The following KCNIP4 variants were observed in gnomAD, a reference collection of about 807,000 sequenced individuals.
The protein encoded by KCNIP4 is Kv channel-interacting protein 4.
KCNIP4 carries 12 observed loss-of-function variants against 34.0 expected under a neutral mutation model. That is an observed-to-expected ratio of 0.35 (90% CI 0.23 to 0.57). KCNIP4 has a LOEUF of 0.57. Among genes scored for constraint, KCNIP4 ranks in the 20% least tolerant of loss-of-function variants. The pLI, the probability that KCNIP4 is intolerant of heterozygous loss-of-function variation, is 0.83. For missense variants in KCNIP4, 238 were observed against 311.7 expected (o/e 0.76, Z 1.78); for synonymous variants, 124 against 102.2 (o/e 1.21, Z -1.29).
intron 1 of KCNIP4, among the ~76,000 whole-genome samples, chr4:21,027,381 C>T (rs28704683): frequency 0.027 from 4,050 of 151,978 alleles, 165 homozygotes; most frequent in African/African-American, 0.091. Context: ...AGAAAAACTT[C>T]GTCACCCCTG....
chr4:20,804,450 G>T (rs1714801916), intron 3 of KCNIP4, among the ~76,000 whole-genome samples: 1 of 152,112 alleles, frequency 6.6e-6, no homozygotes, highest in Non-Finnish European at 1.5e-5. Flanking sequence ...TCATAGAAAA[G>T]AAAGATTACT....
chr4:21,480,531 C>T (rs541972407), intron 1 of KCNIP4, among the ~76,000 whole-genome samples: 1 of 152,270 alleles, frequency 6.6e-6, no homozygotes, highest in East Asian at 1.9e-4. Flanking sequence ...AGAATACTCA[C>T]TTGCATCAAG....
At chr4:21,697,998 G>A (rs189265698) in intron 1 of KCNIP4, among the ~76,000 whole-genome samples, 1 of 151,090 alleles carries the variant, frequency 6.6e-6, no homozygotes, top group East Asian at 1.9e-4. Context: ...GTGGGGAGAG[G>A]GAAGCATGCT....
intron 1 of KCNIP4, among the ~76,000 whole-genome samples, chr4:20,928,570 A>T (rs1035040324): frequency 1.3e-5 from 2 of 151,988 alleles, no homozygotes; most frequent in African/African-American, 4.8e-5. Context: ...ACTAAAAAAA[A>T]GAAGAGCAAA....
At chr4:21,870,103 G>A (rs1380012862) in intron 1 of KCNIP4, among the ~76,000 whole-genome samples, 1 of 152,142 alleles carries the variant, frequency 6.6e-6, no homozygotes, top group Non-Finnish European at 1.5e-5. Flanking sequence ...AAGAAGCCCA[G>A]TGGACTCTAG....
intron 1 of KCNIP4, among the ~76,000 whole-genome samples, chr4:21,665,886 A>G (rs1325767747): frequency 6.6e-6 from 1 of 152,148 alleles, no homozygotes; most frequent in East Asian, 1.9e-4. Flanking sequence ...CTGACCATAC[A>G]TGGCGCCCCT....
At chr4:21,132,567 T>G (rs1751148452) in intron 1 of KCNIP4, among the ~76,000 whole-genome samples, 1 of 152,164 alleles carries the variant, frequency 6.6e-6, no homozygotes, top group Admixed American at 6.5e-5. Flanking sequence ...TTTTCCTGCT[T>G]CCAAGGAATC....
chr4:20,780,524 A>G (rs1756780990), intron 3 of KCNIP4, among the ~76,000 whole-genome samples: 1 of 152,106 alleles, frequency 6.6e-6, no homozygotes, highest in South Asian at 2.1e-4. Context: ...GTTCTCTGTG[A>G]CTCAGCTCTG....
At chr4:21,822,668 A>T (rs1362322022) in intron 1 of KCNIP4, among the ~76,000 whole-genome samples, 1 of 152,062 alleles carries the variant, frequency 6.6e-6, no homozygotes, top group African/African-American at 2.4e-5. Flanking sequence ...ATAAGATTTT[A>T]CAAAAGAAAA....
chr4:21,008,878 A>T (rs1360209630), intron 1 of KCNIP4, among the ~76,000 whole-genome samples: 1 of 151,968 alleles, frequency 6.6e-6, no homozygotes, highest in Non-Finnish European at 1.5e-5. Context: ...TTTCATTAGG[A>T]GACACATTTA....
chr4:21,073,320 T>C (rs1321523803), intron 1 of KCNIP4, among the ~76,000 whole-genome samples: 7 of 152,218 alleles, frequency 4.6e-5, no homozygotes, highest in African/African-American at 9.6e-5. Flanking sequence ...TTCTATTTCA[T>C]TGAGCAGTGG....
intron 1 of KCNIP4, among the ~76,000 whole-genome samples, chr4:21,829,420 T>C (rs1722850449): frequency 6.6e-6 from 1 of 152,018 alleles, no homozygotes; most frequent in Non-Finnish European, 1.5e-5. Context: ...ATTTCATTAG[T>C]AATAAATGGT....
intron 1 of KCNIP4, among the ~76,000 whole-genome samples, chr4:21,338,856 T>C (rs1716451943): frequency 6.6e-6 from 1 of 152,132 alleles, no homozygotes. Context: ...TAATCAGTTA[T>C]ATTTGATGAA....
At chr4:21,554,489 C>T (rs1041540268) in intron 1 of KCNIP4, among the ~76,000 whole-genome samples, 4 of 152,094 alleles carry the variant, frequency 2.6e-5, no homozygotes, top group African/African-American at 9.7e-5. Flanking sequence ...ATAATATCCT[C>T]GAATAATTGC....
intron 1 of KCNIP4, among the ~76,000 whole-genome samples, chr4:21,842,794 A>G (rs1054575063): frequency 6.6e-6 from 1 of 152,086 alleles, no homozygotes; most frequent in African/African-American, 2.4e-5. Flanking sequence ...TTATTAATGT[A>G]GGGCTAAGAG....
chr4:21,075,320 T>C (rs531264265), intron 1 of KCNIP4, among the ~76,000 whole-genome samples: 2 of 152,330 alleles, frequency 1.3e-5, no homozygotes, highest in African/African-American at 2.4e-5. Context: ...ATCTGGGTGC[T>C]CTTGTATTGG....
intron 1 of KCNIP4, among the ~76,000 whole-genome samples, chr4:21,803,879 A>G (rs985711039): frequency 6.6e-6 from 1 of 152,216 alleles, no homozygotes; most frequent in Non-Finnish European, 1.5e-5. Flanking sequence ...AAGTCTCTTT[A>G]TATCCATTTT....
rs1025335125 is a variant in KCNIP4 at position 21,520,679 on chromosome 4, A to G, written c.61+427892T>C. On this transcript the variant is annotated intron_variant, in intron 1 of 8. Transcript: ENST00000382152. The stretch of plus-strand genomic sequence containing the variant: ...AAGCCCACAGAGGAAATTTTGCAAG[A>G]CAATCTATTTCTCCTTTTACCTTTA... 2.6e-5 allele frequency among the ~76,000 whole-genome samples: 4 copies of G among 152,174 alleles called. No homozygotes were observed. In the South Asian group the frequency reaches 6.2e-4, roughly 24 times the overall value.
intron 1 of KCNIP4, among the ~76,000 whole-genome samples, chr4:20,999,132 C>T (rs1577509833): frequency 6.6e-6 from 1 of 152,248 alleles, no homozygotes; most frequent in East Asian, 1.9e-4. Flanking sequence ...GAACAGAGCT[C>T]TTAAGTATGA....
Sources: gnomAD v4.1 joint callset for allele counts (sites outside exome capture counted in the v4.1 genomes callset) on GRCh38, gnomAD v4.1.1 for gene constraint, MANE v1.5 for transcripts, NCBI Gene and HGNC (gene_info 2026-07-23, HGNC 2026-07-21) for gene names.